RARB: variants seen among roughly 807,000 people sequenced by gnomAD.
RARB encodes the protein HBV-activated protein.
RARB carries 17 observed loss-of-function variants against 51.9 expected under a neutral mutation model. That is an observed-to-expected ratio of 0.33 (90% CI 0.22 to 0.49). The LOEUF is 0.49. Ranked by LOEUF, RARB falls within the 20% of genes least tolerant of loss-of-function variation. The pLI is 0.99. For missense variants in RARB, 369 were observed against 550.8 expected, an observed-to-expected ratio of 0.67 and a Z score of 3.30; for synonymous variants, 215 against 195.4, an observed-to-expected ratio of 1.10 and a Z score of -0.84.
At chr3:25,494,695 G>T (rs1339208243) in intron 2 of RARB, among the ~76,000 whole-genome samples, 4 of 152,154 alleles carry the variant, frequency 2.6e-5, no homozygotes, top group African/African-American at 9.7e-5. Flanking sequence ...TCGAGTGAAT[G>T]TATCAAAAAG....
chr3:25,174,304 C>A, exon 5 of RARB: 1 of 1,106,750 alleles, frequency 9.0e-7, no homozygotes, highest in Non-Finnish European at 1.2e-6. Flanking sequence ...TCAGCCTCAA[C>A]TCCTGCAGTG....
chr3:25,384,264 T>C (rs1209674577), intron 5 of RARB, among the ~76,000 whole-genome samples: 1 of 151,978 alleles, frequency 6.6e-6, no homozygotes. Context: ...GTCAGTATAA[T>C]GTCTCCTTCC....
At chr3:25,523,526 C>T (rs1336484488) in intron 3 of RARB, among the ~76,000 whole-genome samples, 2 of 152,104 alleles carry the variant, frequency 1.3e-5, no homozygotes, top group African/African-American at 2.4e-5. Context: ...GAAATAGAAC[C>T]TGGCTGTACT....
At chr3:25,467,618 T>C (rs35796394) in intron 2 of RARB, among the ~76,000 whole-genome samples, 42,309 of 151,578 alleles carry the variant, frequency 0.28, 7,295 homozygotes, top group East Asian at 0.51. Flanking sequence ...ATTGCGTGAC[T>C]AAGCTTGGAT....
intron 5 of RARB, among the ~76,000 whole-genome samples, chr3:25,365,199 C>CTTTTTTTTTTTTTTTT (rs3035063): frequency 4.0e-5 from 3 of 75,444 alleles, no homozygotes; most frequent in Non-Finnish European, 5.0e-5. Context: ...TTCTTTCTTT[C>CTTTTTTTTTTTTTTTT]TTTTTTTTTT....
At chr3:25,196,676 C>T (rs1363009690) in intron 5 of RARB, among the ~76,000 whole-genome samples, 1 of 152,164 alleles carries the variant, frequency 6.6e-6, no homozygotes, top group Non-Finnish European at 1.5e-5. Context: ...AACTAGTTTA[C>T]AGTCCCACCA....
chr3:25,174,087 G>GAT lies in RARB; in HGVS notation c.-279-23_-279-22dup, dbSNP rs1575195724. ...TGATAAAAAGGGAGAGATTTTTTGT[G>GAT]ATATATATATTTTTTTCATTTTTTC... is the stretch of plus-strand genomic sequence containing the variant. On this transcript the variant is annotated intron_variant, in intron 4 of 11. Transcript: ENST00000383772. The GAT allele has an allele frequency of 1.7e-5, 3 of 181,358 alleles. No homozygotes were observed. The East Asian group carries it at 3.8e-4, about 23-fold the overall frequency. 11.2% of individuals were successfully genotyped at this position (181,358 alleles called of 1,614,324 possible).
chr3:24,911,512 G>T (rs903973842), intron 2 of RARB, among the ~76,000 whole-genome samples: 1 of 152,134 alleles, frequency 6.6e-6, no homozygotes, highest in Non-Finnish European at 1.5e-5. Flanking sequence ...AAGCATAAAT[G>T]TTACCTAATG....
intron 2 of RARB, among the ~76,000 whole-genome samples, chr3:25,473,298 C>T (rs1695790163): frequency 6.6e-6 from 1 of 151,088 alleles, no homozygotes; most frequent in Admixed American, 6.6e-5. Flanking sequence ...CCCTAGAACT[C>T]ATCCCTGAAA....
intron 3 of RARB, among the ~76,000 whole-genome samples, chr3:25,087,568 A>C (rs1239655672): frequency 6.6e-6 from 1 of 152,162 alleles, no homozygotes; most frequent in Admixed American, 6.6e-5. Context: ...AATACCTCAT[A>C]GGTTCGTTCA....
chr3:25,231,925 TA>T lies in RARB; in HGVS notation c.178+57351del, dbSNP rs1484763139. Among the ~76,000 whole-genome samples, 3 of 152,174 alleles carry T rather than the reference TA, an allele frequency of 2.0e-5. No homozygotes were observed. In the South Asian group the frequency reaches 6.2e-4, roughly 32 times the overall value. ...CTCCTAATTTTGATGAAACTCAATA[TA>T]TTTTTTTTTCTTTCGGTATCGTGTC... On this transcript the variant is annotated intron_variant, in intron 5 of 11. Transcript: ENST00000383772.
intron 2 of RARB, among the ~76,000 whole-genome samples, chr3:24,997,343 T>C (rs1283737553): frequency 2.0e-5 from 3 of 152,138 alleles, no homozygotes. Flanking sequence ...TCAGCACATG[T>C]GTGTCTTTAC....
chr3:24,939,364 C>G (rs1695611477), intron 2 of RARB, among the ~76,000 whole-genome samples: 2 of 152,088 alleles, frequency 1.3e-5, no homozygotes, highest in African/African-American at 4.8e-5. Flanking sequence ...TGTGTTAATT[C>G]TATGTTTAAC....
chr3:24,869,590 T>C (rs939584311), intron 2 of RARB, among the ~76,000 whole-genome samples: 2 of 152,156 alleles, frequency 1.3e-5, no homozygotes, highest in South Asian at 2.1e-4. Context: ...TATTGTAAAT[T>C]GACAGTTGTA....
chr3:25,178,053 T>C (rs1700791160), intron 5 of RARB, among the ~76,000 whole-genome samples: 1 of 152,062 alleles, frequency 6.6e-6, no homozygotes, highest in Non-Finnish European at 1.5e-5. Context: ...GGGTGGGCCC[T>C]GTTCTTTTGC....
At chr3:25,205,595 A>G (rs184027316) in intron 5 of RARB, among the ~76,000 whole-genome samples, 1 of 152,284 alleles carries the variant, frequency 6.6e-6, no homozygotes, top group Admixed American at 6.5e-5. Flanking sequence ...TAACCCAAAA[A>G]AAATAAATGC....
intron 1 of RARB, among the ~76,000 whole-genome samples, chr3:24,846,342 T>A (rs1702485580): frequency 6.6e-6 from 1 of 152,206 alleles, no homozygotes; most frequent in South Asian, 2.1e-4. Flanking sequence ...GCACTTAACA[T>A]GTGCTTCATA....
At chr3:25,323,716 C>T (rs1036878942) in intron 5 of RARB, among the ~76,000 whole-genome samples, 1 of 152,122 alleles carries the variant, frequency 6.6e-6, no homozygotes, top group African/African-American at 2.4e-5. Context: ...TATAGTGGAC[C>T]TCTATGCCCA....
intron 5 of RARB, among the ~76,000 whole-genome samples, chr3:25,185,515 T>C (rs1174069564): frequency 6.6e-6 from 1 of 152,122 alleles, no homozygotes; most frequent in Non-Finnish European, 1.5e-5. Flanking sequence ...CAAAAAGAAG[T>C]ACCTAAGGAG....
Sources: allele counts gnomAD v4.1 joint callset (sites outside exome capture counted in the v4.1 genomes callset), GRCh38; gene constraint gnomAD v4.1.1; transcripts MANE v1.5; gene names NCBI Gene and HGNC (gene_info 2026-07-23, HGNC 2026-07-21).